Variants in MCTP1 observed in about 807,000 individuals in gnomAD.
MCTP1 encodes multiple C2 and transmembrane domain-containing protein 1.
MCTP1 carries 69 observed loss-of-function variants against 120.6 expected under a neutral mutation model. That is an observed-to-expected ratio of 0.57 (90% CI 0.47 to 0.70). MCTP1 has a LOEUF of 0.70. Ranked by LOEUF, MCTP1 falls within the 30% of genes least tolerant of loss-of-function variation. The pLI, the probability that MCTP1 is intolerant of heterozygous loss-of-function variation, is 0.00. For synonymous variants in MCTP1, 529 were observed against 493.1 expected (o/e 1.07, Z -0.96); for missense variants, 1,203 against 1,248.8 (o/e 0.96, Z 0.55).
At chr5:95,104,653 T>C (rs1756966174) in intron 1 of MCTP1, among the ~76,000 whole-genome samples, 1 of 152,214 alleles carries the variant, frequency 6.6e-6, no homozygotes, top group African/African-American at 2.4e-5. Flanking sequence ...TACAATACAA[T>C]GTGCATTTTT....
rs578017424 is a variant in MCTP1 at position 95,121,638 on chromosome 5, GA to G, written c.721-104155del. Reference sequence around the variant, plus strand: ...ATCAACGACATTCTTCATAGAAATAGAAAAAAAAAATCCTAAAATTTAAATA... The same window carrying G: ...ATCAACGACATTCTTCATAGAAATAGAAAAAAAAATCCTAAAATTTAAATA... On this transcript the variant is annotated intron_variant, in intron 1 of 22. Coordinates refer to ENST00000515393, the MANE Select transcript of MCTP1 (RefSeq NM_024717.7). 5.2e-3 allele frequency among the ~76,000 whole-genome samples: 762 copies of G among 147,048 alleles called. 4 individuals are homozygous for G. The highest frequency in any genetic ancestry group is 0.017 in the African/African-American group (693 of 40,238).
chr5:94,957,668 A>C (rs532025267), intron 2 of MCTP1, among the ~76,000 whole-genome samples: 1 of 152,236 alleles, frequency 6.6e-6, no homozygotes, highest in Admixed American at 6.5e-5. Context: ...AAAAAAAGAG[A>C]AAGAAGGGAA....
chr5:95,279,170 G>T (rs1760113304), intron 1 of MCTP1, among the ~76,000 whole-genome samples: 1 of 152,018 alleles, frequency 6.6e-6, no homozygotes, highest in Non-Finnish European at 1.5e-5. Flanking sequence ...TATGATCAAA[G>T]AAATCATATT....
At position 94,704,025 on chromosome 5, in the gene MCTP1, T is replaced by C. The variant is rs1428743037; in HGVS notation, c.*3471A>G. The C allele has an allele frequency of 6.6e-6, 1 of 151,192 alleles. No individual in the cohort carries two copies. The highest frequency in any genetic ancestry group is 2.4e-5 in the African/African-American group (1 of 41,256). The allele number at this position is 151,192 out of a possible 1,614,324, so 9.4% of individuals were successfully genotyped here. On this transcript the variant is annotated 3_prime_UTR_variant, in exon 23 of 23. Coordinates refer to ENST00000515393, the MANE Select transcript of MCTP1 (RefSeq NM_024717.7). ...AAAAAAATGTTTTGTTTTCTTTCAG[T>C]GAGTTACACCAATCATCCCAGGAAA...
chr5:95,198,391 C>A (rs902793747), intron 1 of MCTP1, among the ~76,000 whole-genome samples: 1 of 152,064 alleles, frequency 6.6e-6, no homozygotes, highest in South Asian at 2.1e-4. Context: ...ATCCACACAA[C>A]CATCCTGTTT....
chr5:94,707,513 T>A lies in MCTP1; in HGVS notation c.2983A>T (p.Lys995Ter), dbSNP rs1561498467. The A allele has an allele frequency of 6.2e-7, 1 of 1,611,770 alleles. No homozygotes were observed. Among genetic ancestry groups the A allele is most frequent in the Non-Finnish European group, 8.5e-7 (1 of 1,178,494 alleles). ...GGAGCTGGCTAGCCAAGATTGTTTT[T>A]CTTTCTTTTATATGGGCTATGAGAA... ...DPSHSPYKRK[K>*]NNLG Residue 995 changes from lysine (K) to a stop codon, truncating the protein, a stop_gained, in exon 23 of 23, where the codon AAA (lysine) becomes TAA (stop). Coordinates refer to ENST00000515393, the MANE Select transcript of MCTP1 (RefSeq NM_024717.7). LOFTEE classifies it high-confidence loss of function.
At chr5:95,016,589 T>C (rs1029240779) in intron 2 of MCTP1, among the ~76,000 whole-genome samples, 1 of 151,954 alleles carries the variant, frequency 6.6e-6, no homozygotes, top group Non-Finnish European at 1.5e-5. Context: ...CTGGGGACTC[T>C]CCTTCCTCCT....
chr5:95,115,382 T>A (rs72779447), intron 1 of MCTP1, among the ~76,000 whole-genome samples: 6,760 of 151,444 alleles, frequency 0.045, 213 homozygotes, highest in Middle Eastern at 0.065. Context: ...AATTTCAAGA[T>A]AATACAAAGA....
At chr5:94,954,921 C>T (rs1389734110) in intron 2 of MCTP1, among the ~76,000 whole-genome samples, 1 of 152,184 alleles carries the variant, frequency 6.6e-6, no homozygotes, top group Non-Finnish European at 1.5e-5. Flanking sequence ...TATCCCTTGA[C>T]ACCTCCTAAA....
chr5:95,006,293 GTGTATATATA>G (rs1013905155), intron 2 of MCTP1, among the ~76,000 whole-genome samples: 3 of 151,184 alleles, frequency 2.0e-5, no homozygotes, highest in Admixed American at 6.6e-5. Context: ...ATATATGTAT[GTGTATATATA>G]TGTATATATA....
chr5:94,937,421 G>A lies in MCTP1; in HGVS notation c.1173+2663C>T, dbSNP rs60579473. Among the ~76,000 whole-genome samples the A allele has an allele frequency of 2.6e-3, 395 of 152,090 alleles. 8 individuals are homozygous for A. In the East Asian group the frequency reaches 0.036, roughly 14 times the overall value. ...AGGGTGAATGTGGCTGAAGAGATACGATGAAGAGAAAGGAAAAGGAGGAAA... is the reference window on the plus strand; with the variant it reads ...AGGGTGAATGTGGCTGAAGAGATACAATGAAGAGAAAGGAAAAGGAGGAAA... On this transcript the variant is annotated intron_variant, in intron 5 of 22. Coordinates refer to ENST00000515393, the MANE Select transcript of MCTP1 (RefSeq NM_024717.7).
At chr5:95,111,433 C>T (rs111626767) in intron 1 of MCTP1, among the ~76,000 whole-genome samples, 204 of 152,242 alleles carry the variant, frequency 1.3e-3, no homozygotes, top group African/African-American at 4.7e-3. Flanking sequence ...AAGCTTTTAT[C>T]ACAGCTTCTG....
chr5:95,014,728 G>C (rs1258098027), intron 2 of MCTP1, among the ~76,000 whole-genome samples: 1 of 151,938 alleles, frequency 6.6e-6, no homozygotes, highest in Non-Finnish European at 1.5e-5. Flanking sequence ...ATAGTTCATT[G>C]ACTTAGTTGA....
At chr5:95,195,707 G>A (rs185690911) in intron 1 of MCTP1, among the ~76,000 whole-genome samples, 139 of 151,960 alleles carry the variant, frequency 9.1e-4, no homozygotes, top group African/African-American at 3.2e-3. Context: ...CAGCAGAGAG[G>A]GGTATAAAGT....
chr5:95,085,632 G>A (rs1325367558), intron 1 of MCTP1, among the ~76,000 whole-genome samples: 4 of 151,794 alleles, frequency 2.6e-5, no homozygotes, highest in African/African-American at 9.7e-5. Context: ...GGGGTCATAC[G>A]ATATGCACAC....
intron 1 of MCTP1, among the ~76,000 whole-genome samples, chr5:95,132,460 A>T (rs539802742): frequency 3.3e-4 from 50 of 152,374 alleles, no homozygotes; most frequent in African/African-American, 1.1e-3. Context: ...CTAAATGGAG[A>T]AAACCTGGAA....
At chr5:95,100,566 G>T (rs1756649992) in intron 1 of MCTP1, among the ~76,000 whole-genome samples, 1 of 152,162 alleles carries the variant, frequency 6.6e-6, no homozygotes. Context: ...TATATGATAA[G>T]AATTTGTATA....
In MCTP1 at chr5:94,909,394, AT is replaced by A; in HGVS notation, c.1522-14del. 6.4e-7 allele frequency: 1 copy of A among 1,570,186 alleles called. No individual in the cohort carries two copies. The highest frequency in any genetic ancestry group is 8.6e-7 in the Non-Finnish European group (1 of 1,166,178). On this transcript the variant is annotated splice_polypyrimidine_tract_variant and intron_variant, in intron 9 of 22. Transcript: ENST00000515393. The stretch of plus-strand genomic sequence containing the variant: ...TTTTTGGCATAATCTGGAAAAAAAA[AT>A]CATAATTGTCATATTGCTAGCAGCT...
chr5:94,881,443 C>A (rs1800060816), intron 12 of MCTP1, among the ~76,000 whole-genome samples: 1 of 152,096 alleles, frequency 6.6e-6, no homozygotes, highest in African/African-American at 2.4e-5. Flanking sequence ...CATTAACCCT[C>A]CTTGCTAGCT....
Sources: gnomAD v4.1 joint callset for allele counts (sites outside exome capture counted in the v4.1 genomes callset) on GRCh38, gnomAD v4.1.1 for gene constraint, MANE v1.5 for transcripts, NCBI Gene and HGNC (gene_info 2026-07-23, HGNC 2026-07-21) for gene names.